Variants in NPIPB2 observed in about 807,000 individuals in gnomAD.
NPIPB2 encodes nuclear pore complex interacting protein family member B2.
NPIPB2 carries 27 observed loss-of-function variants against 30.8 expected under a neutral mutation model. That is an observed-to-expected ratio of 0.88 (90% CI 0.65 to 1.21). The LOEUF (loss-of-function observed/expected upper bound fraction) is 1.21. Among genes scored for constraint, NPIPB2 ranks in the 50% most tolerant of loss-of-function variants. NPIPB2 has a pLI of 0.00. For missense variants in NPIPB2, 440 were observed against 446.2 expected (o/e 0.99, Z 0.13); for synonymous variants, 147 against 162.0 (o/e 0.91, Z 0.70).
At chr16:11,970,843 C>T (rs2055231235) in intron 1 of NPIPB2, among the ~76,000 whole-genome samples, 1 of 147,100 alleles carries the variant, frequency 6.8e-6, no homozygotes, top group African/African-American at 2.5e-5. Flanking sequence ...CTAAAATCAG[C>T]ATTTTCTTAC....
intron 1 of NPIPB2, 32 bp from the exon 2 acceptor site, chr16:11,937,700 G>C: frequency 6.3e-7 from 1 of 1,595,940 alleles, no homozygotes. Flanking sequence ...TAATGAAAAG[G>C]TCAATGACAC....
chr16:11,966,237 C>T (rs1420619242), intron 1 of NPIPB2: 2 of 1,613,694 alleles, frequency 1.2e-6, no homozygotes, highest in African/African-American at 2.7e-5. Flanking sequence ...ATTCTCTGGA[C>T]CTGTTTGGGA....
chr16:11,936,422 A>T lies in NPIPB2; in HGVS notation c.192+1118T>A, dbSNP rs1204595029. ...GTGCCTAGATATCTTCATAACTCATATATTTTCTGTTTTCTACATATCTTG... is the reference window on the plus strand; with the variant it reads ...GTGCCTAGATATCTTCATAACTCATTTATTTTCTGTTTTCTACATATCTTG... On this transcript the variant is annotated intron_variant, in intron 2 of 7. Coordinates refer to ENST00000399147, the Ensembl canonical transcript of NPIPB2. 4.0e-5 allele frequency among the ~76,000 whole-genome samples: 6 copies of T among 148,946 alleles called. No homozygotes were observed. In the East Asian group the frequency reaches 1.2e-3, roughly 30 times the overall value.
At chr16:11,976,146 C>G (rs1008237617) in intron 1 of NPIPB2, among the ~76,000 whole-genome samples, 1 of 151,904 alleles carries the variant, frequency 6.6e-6, no homozygotes, top group Non-Finnish European at 1.5e-5. Flanking sequence ...CACTCACCCT[C>G]TCGAACTCCT....
At chr16:11,952,900 T>C (rs1301269926) in intron 1 of NPIPB2, among the ~76,000 whole-genome samples, 1 of 151,948 alleles carries the variant, frequency 6.6e-6, no homozygotes, top group Non-Finnish European at 1.5e-5. Flanking sequence ...AACATAAAAA[T>C]CTACTTCAAT....
chr16:11,966,088 G>A (rs572874733), intron 1 of NPIPB2: 6 of 1,209,854 alleles, frequency 5.0e-6, no homozygotes, highest in Admixed American at 2.6e-5. Flanking sequence ...TCTAGCCTGG[G>A]CAACAGAGCA....
chr16:11,941,559 G>C (rs1462020641), intron 1 of NPIPB2, among the ~76,000 whole-genome samples: 3 of 151,780 alleles, frequency 2.0e-5, no homozygotes, highest in Non-Finnish European at 2.9e-5. Flanking sequence ...GGAAGCAACA[G>C]GACACGCGGG....
At chr16:11,927,401 A>G in exon 8 of NPIPB2, 1 of 979,938 alleles carries the variant, frequency 1.0e-6, no homozygotes, top group Non-Finnish European at 1.6e-6. Flanking sequence ...GCCTGTTCTC[A>G]GCTTACTCAA....
chr16:11,967,769 G>A (rs2017662), intron 1 of NPIPB2: 112,864 of 1,614,082 alleles, frequency 0.07, 7,062 homozygotes, highest in Admixed American at 0.28. Flanking sequence ...TTGTCACCAC[G>A]AAAACGAATG....
At chr16:11,951,420 T>C (rs1164969115) in intron 1 of NPIPB2, among the ~76,000 whole-genome samples, 32 of 120,184 alleles carry the variant, frequency 2.7e-4, no homozygotes, top group African/African-American at 1.0e-3. Context: ...GCCGAGATCA[T>C]GCCACTGCAC....
chr16:11,943,764 C>T (rs1013638969), upstream of NPIPB2, among the ~76,000 whole-genome samples: 2 of 149,746 alleles, frequency 1.3e-5, no homozygotes, highest in African/African-American at 2.5e-5. Flanking sequence ...TTTGGGAGGC[C>T]GAGACGGGTG....
intron 1 of NPIPB2, chr16:11,966,248 C>A (rs772804388): frequency 1.7e-5 from 27 of 1,613,954 alleles, no homozygotes; most frequent in Non-Finnish European, 2.3e-5. Context: ...CTGTTTGGGA[C>A]TGAGCTTAAT....
chr16:11,950,832 A>G (rs776946689), intron 1 of NPIPB2, among the ~76,000 whole-genome samples: 1 of 152,128 alleles, frequency 6.6e-6, no homozygotes, highest in Non-Finnish European at 1.5e-5. Flanking sequence ...TGGAATTTAC[A>G]TTAAAACTTC....
intron 1 of NPIPB2, among the ~76,000 whole-genome samples, chr16:11,972,815 G>T (rs554089515): frequency 4.7e-4 from 70 of 149,202 alleles, no homozygotes; most frequent in African/African-American, 1.5e-3. Context: ...AGTGAGCCGA[G>T]ATCACGCCAG....
intron 1 of NPIPB2, among the ~76,000 whole-genome samples, chr16:11,952,354 A>AAAAAAT (rs1475655459): frequency 6.6e-6 from 1 of 151,748 alleles, no homozygotes; most frequent in East Asian, 1.9e-4. Flanking sequence ...TCTCAAAAAT[A>AAAAAAT]AAAAATAAAA....
At chr16:11,973,561 T>A (rs1352452712) in intron 1 of NPIPB2, among the ~76,000 whole-genome samples, 1 of 152,168 alleles carries the variant, frequency 6.6e-6, no homozygotes, top group African/African-American at 2.4e-5. Context: ...TTCAGCAGCT[T>A]ATAAATTATT....
chr16:11,970,544 CTTTCT>C (rs1166150571), intron 1 of NPIPB2, among the ~76,000 whole-genome samples: 3 of 147,978 alleles, frequency 2.0e-5, no homozygotes, highest in East Asian at 2.0e-4. Context: ...TTTTTTTTTT[CTTTCT>C]TTTGAGACAC....
At chr16:11,960,393 C>T (rs373552362) in intron 1 of NPIPB2, among the ~76,000 whole-genome samples, 10 of 141,214 alleles carry the variant, frequency 7.1e-5, no homozygotes, top group Admixed American at 7.8e-5. Context: ...CTCCCTCTGT[C>T]GCCCACGCTG....
chr16:11,975,439 G>A (rs375771812), intron 1 of NPIPB2, among the ~76,000 whole-genome samples: 63 of 151,934 alleles, frequency 4.1e-4, no homozygotes, highest in African/African-American at 1.2e-3. Context: ...GAGCCACCGC[G>A]CCCGGCCAAT....
Sources: allele counts gnomAD v4.1 joint callset (sites outside exome capture counted in the v4.1 genomes callset), GRCh38; gene constraint gnomAD v4.1.1; transcripts MANE v1.5; gene names NCBI Gene and HGNC (gene_info 2026-07-23, HGNC 2026-07-21).